HHAT: variants seen among roughly 807,000 people sequenced by gnomAD.
HHAT encodes the protein hedgehog acyltransferase.
HHAT carries 47 observed loss-of-function variants against 70.8 expected under a neutral mutation model. The observed-to-expected ratio is 0.66, with a 90% confidence interval of 0.53 to 0.85. The LOEUF (loss-of-function observed/expected upper bound fraction) is 0.85. Ranked by LOEUF, HHAT falls within the 40% of genes least tolerant of loss-of-function variation. HHAT has a pLI of 0.00. For missense variants in HHAT, 609 were observed against 604.8 expected, an observed-to-expected ratio of 1.01 and a Z score of -0.07; for synonymous variants, 228 against 247.6, an observed-to-expected ratio of 0.92 and a Z score of 0.74.
Position 210,453,218 on chromosome 1 carries a change from T to C in HHAT, c.857-11287T>C, listed in dbSNP as rs897923153. On this transcript the variant is annotated intron_variant, in intron 7 of 11. Coordinates refer to ENST00000261458, the MANE Select transcript of HHAT (RefSeq NM_018194.6). ...AAGATTCCTTTCTTTTTCCCCTCTT[T>C]TGAGGCATTAAACATTCTAAGGTTC... is the stretch of plus-strand genomic sequence containing the variant. Among the ~76,000 whole-genome samples, 14 of 152,332 alleles carry C rather than the reference T, an allele frequency of 9.2e-5. No homozygotes were observed. In the South Asian group the frequency reaches 2.1e-3, roughly 23 times the overall value.
chr1:210,502,253 G>C (rs1439477717), intron 8 of HHAT, among the ~76,000 whole-genome samples: 1 of 151,456 alleles, frequency 6.6e-6, no homozygotes, highest in Non-Finnish European at 1.5e-5. Flanking sequence ...GAGTGGTGGT[G>C]GGCGCCTGTA....
At chr1:210,578,748 G>C (rs1168632420) in intron 9 of HHAT, among the ~76,000 whole-genome samples, 1 of 152,164 alleles carries the variant, frequency 6.6e-6, no homozygotes, top group Non-Finnish European at 1.5e-5. Flanking sequence ...TATGATTCCA[G>C]TTATATACAT....
At chr1:210,584,551 G>C (rs1660008057) in intron 9 of HHAT, among the ~76,000 whole-genome samples, 1 of 152,056 alleles carries the variant, frequency 6.6e-6, no homozygotes, top group African/African-American at 2.4e-5. Flanking sequence ...AGCCTCTGGG[G>C]GGCAGCAGAA....
chr1:210,374,185 T>TA (rs1169173326), intron 3 of HHAT: 1 of 152,212 alleles, frequency 6.6e-6, no homozygotes, highest in African/African-American at 2.4e-5. Flanking sequence ...TACAAAAAAT[T>TA]AGCTTATAAC....
At chr1:210,381,291 A>AT (rs1290858021) in intron 3 of HHAT, among the ~76,000 whole-genome samples, 1 of 151,756 alleles carries the variant, frequency 6.6e-6, no homozygotes, top group Non-Finnish European at 1.5e-5. Flanking sequence ...TTTTACTTTT[A>AT]TTTTTCTGAG....
At chr1:210,496,025 A>AAAAAAAAG (rs1553245664) in intron 8 of HHAT, among the ~76,000 whole-genome samples, 2 of 149,908 alleles carry the variant, frequency 1.3e-5, no homozygotes, top group Non-Finnish European at 3.0e-5. Flanking sequence ...AAAAAAAAAA[A>AAAAAAAAG]AAAAAGAAAA....
At chr1:210,456,297 C>T (rs2093866516) in intron 7 of HHAT, among the ~76,000 whole-genome samples, 1 of 152,110 alleles carries the variant, frequency 6.6e-6, no homozygotes, top group African/African-American at 2.4e-5. Context: ...GACTCGTTGC[C>T]TTTTTTCCCC....
chr1:210,414,654 C>T (rs889545295), intron 6 of HHAT, among the ~76,000 whole-genome samples: 12 of 152,130 alleles, frequency 7.9e-5, no homozygotes, highest in African/African-American at 2.7e-4. Flanking sequence ...AGTACATTTG[C>T]CTCTCTAACA....
chr1:210,579,802 G>T (rs1431490514), intron 9 of HHAT, among the ~76,000 whole-genome samples: 2 of 152,124 alleles, frequency 1.3e-5, no homozygotes, highest in African/African-American at 4.8e-5. Flanking sequence ...GAGCCATTCA[G>T]ACTCTCTCAG....
chr1:210,487,807 T>A (rs2094495362), intron 8 of HHAT, among the ~76,000 whole-genome samples: 1 of 152,210 alleles, frequency 6.6e-6, no homozygotes, highest in Non-Finnish European at 1.5e-5. Context: ...TGTTCATTAG[T>A]AAAGGCATCT....
rs1187268738 is a variant in HHAT, at chr1:210,369,485, G to A, written c.159+6566G>A. 3.9e-5 allele frequency among the ~76,000 whole-genome samples: 6 copies of A among 152,326 alleles called. No individual in the cohort carries two copies. In the South Asian group the frequency reaches 6.2e-4, roughly 16 times the overall value. ...TGCCCATGAAGATTTTTAAGATTTGGCTTATTTATAAATGCCTCTGCATTT... is the reference window on the plus strand; with the variant it reads ...TGCCCATGAAGATTTTTAAGATTTGACTTATTTATAAATGCCTCTGCATTT... On this transcript the variant is annotated intron_variant, in intron 3 of 11. Transcript: ENST00000261458.
At chr1:210,374,007 T>G (rs2089851697) in intron 3 of HHAT, 1 of 152,232 alleles carries the variant, frequency 6.6e-6, no homozygotes, top group South Asian at 2.1e-4. Context: ...CATGCAAGTA[T>G]TCAGACCTTT....
At chr1:210,356,803 C>T (rs907818811) in intron 2 of HHAT, among the ~76,000 whole-genome samples, 1 of 152,242 alleles carries the variant, frequency 6.6e-6, no homozygotes, top group Non-Finnish European at 1.5e-5. Context: ...GCAAGATGAT[C>T]AGTAACTCTG....
intron 9 of HHAT, among the ~76,000 whole-genome samples, chr1:210,531,598 G>A (rs557544148): frequency 6.6e-6 from 1 of 152,284 alleles, no homozygotes; most frequent in South Asian, 2.1e-4. Context: ...TCATTTGTAA[G>A]TTGGAAATGA....
At chr1:210,385,695 T>G (rs1185494861) in intron 3 of HHAT, among the ~76,000 whole-genome samples, 2 of 152,210 alleles carry the variant, frequency 1.3e-5, no homozygotes, top group Admixed American at 1.3e-4. Flanking sequence ...ATGGGAAAAC[T>G]TTTTTAAAAT....
At chr1:210,454,115 C>T (rs990941936) in intron 7 of HHAT, among the ~76,000 whole-genome samples, 5 of 152,184 alleles carry the variant, frequency 3.3e-5, no homozygotes, top group African/African-American at 1.2e-4. Flanking sequence ...GATTCATTTA[C>T]CTCCCGCTGG....
chr1:210,643,055 G>A (rs1190272907), intron 11 of HHAT, among the ~76,000 whole-genome samples: 1 of 151,750 alleles, frequency 6.6e-6, no homozygotes, highest in Non-Finnish European at 1.5e-5. Context: ...ATTTTTTTTG[G>A]TCTGTTTGGA....
chr1:210,349,078 A>G lies in HHAT; in HGVS notation c.91+12A>G. ...CAAAGTCTCCAGAGGTAAGGCCCCA[A>G]GCTTTTCAGACCTCCTATCAAACAA... On this transcript the variant is annotated intron_variant, in intron 2 of 11. Transcript: ENST00000261458. The G allele has an allele frequency of 1.9e-6, 3 of 1,612,134 alleles. No homozygotes were observed. The highest frequency in any genetic ancestry group is 2.7e-5 in the African/African-American group (2 of 74,880).
intron 8 of HHAT, among the ~76,000 whole-genome samples, chr1:210,477,452 G>A (rs1308347406): frequency 6.6e-5 from 10 of 152,170 alleles, no homozygotes; most frequent in African/African-American, 1.7e-4. Context: ...GTTTCTGGCC[G>A]AGTCCTGTAG....
Sources: gnomAD v4.1 joint callset for allele counts (sites outside exome capture counted in the v4.1 genomes callset) on GRCh38, gnomAD v4.1.1 for gene constraint, MANE v1.5 for transcripts, NCBI Gene and HGNC (gene_info 2026-07-23, HGNC 2026-07-21) for gene names.